DENND1A: variants seen among roughly 807,000 people sequenced by gnomAD.
DENND1A encodes DENN domain-containing protein 1A.
In DENND1A, 51 loss-of-function variants were observed where a neutral mutation model predicts 113.7. That is an observed-to-expected ratio of 0.45 (90% CI 0.36 to 0.57). The LOEUF (loss-of-function observed/expected upper bound fraction) is 0.57. Among genes scored for constraint, DENND1A ranks in the 20% least tolerant of loss-of-function variants. DENND1A has a pLI of 0.00. For synonymous variants in DENND1A, 565 were observed against 570.8 expected, an observed-to-expected ratio of 0.99 and a Z score of 0.14; for missense variants, 1,258 against 1,395.9, an observed-to-expected ratio of 0.90 and a Z score of 1.57.
At chr9:123,844,997 TCACTTGAAGC>T (rs1842375877) in intron 2 of DENND1A, among the ~76,000 whole-genome samples, 1 of 152,104 alleles carries the variant, frequency 6.6e-6, no homozygotes, top group Non-Finnish European at 1.5e-5. Context: ...GGTGGACAGA[TCACTTGAAGC>T]CAGTAGTTCA....
At chr9:123,540,935 G>T (rs2056243242) in intron 13 of DENND1A, among the ~76,000 whole-genome samples, 1 of 152,190 alleles carries the variant, frequency 6.6e-6, no homozygotes, top group African/African-American at 2.4e-5. Flanking sequence ...AGACAGACCT[G>T]GCTCTAGTCC....
intron 21 of DENND1A, among the ~76,000 whole-genome samples, chr9:123,390,934 C>A (rs1021069571): frequency 1.2e-4 from 19 of 152,386 alleles, no homozygotes; most frequent in Admixed American, 1.0e-3. Context: ...CAGCTTGACA[C>A]GTTGGTGCAA....
intron 5 of DENND1A, among the ~76,000 whole-genome samples, chr9:123,734,144 T>C (rs1439209389): frequency 1.3e-5 from 2 of 152,152 alleles, no homozygotes; most frequent in Non-Finnish European, 2.9e-5. Context: ...AACATTTTTA[T>C]TTTTTTATGT....
chr9:123,504,135 T>C (rs1402327060), intron 13 of DENND1A, among the ~76,000 whole-genome samples: 1 of 152,200 alleles, frequency 6.6e-6, no homozygotes, highest in Non-Finnish European at 1.5e-5. Flanking sequence ...GAAATGATCA[T>C]TTTGCCCCAG....
At chr9:123,695,585 C>A (rs1247358465) in intron 5 of DENND1A, among the ~76,000 whole-genome samples, 2 of 152,058 alleles carry the variant, frequency 1.3e-5, no homozygotes, top group Non-Finnish European at 2.9e-5. Flanking sequence ...ACTGTGAGGT[C>A]CTTTGCTGGG....
chr9:123,863,818 T>C (rs1352480496), intron 2 of DENND1A, among the ~76,000 whole-genome samples: 9 of 152,298 alleles, frequency 5.9e-5, no homozygotes, highest in African/African-American at 2.2e-4. Context: ...AGCTTAAACA[T>C]GCTATGTCCT....
At chr9:123,549,360 T>C (rs2056902072) in intron 13 of DENND1A, among the ~76,000 whole-genome samples, 1 of 152,140 alleles carries the variant, frequency 6.6e-6, no homozygotes. Flanking sequence ...ATTAGTCACA[T>C]CCCTTATGTG....
chr9:123,747,766 A>C (rs1302271693), intron 5 of DENND1A, among the ~76,000 whole-genome samples: 1 of 152,226 alleles, frequency 6.6e-6, no homozygotes, highest in Non-Finnish European at 1.5e-5. Flanking sequence ...TTTGCATTTT[A>C]CAACTCATGC....
intron 12 of DENND1A, among the ~76,000 whole-genome samples, chr9:123,577,091 T>C (rs1318600980): frequency 1.3e-5 from 2 of 152,204 alleles, no homozygotes; most frequent in Non-Finnish European, 2.9e-5. Flanking sequence ...CTTCCTTACC[T>C]TCTGGGACTC....
chr9:123,482,581 G>A (rs1407561795), intron 13 of DENND1A, among the ~76,000 whole-genome samples: 2 of 152,160 alleles, frequency 1.3e-5, no homozygotes, highest in African/African-American at 4.8e-5. Flanking sequence ...GATTCAGTGA[G>A]TAGTTGTTGA....
chr9:123,755,442 C>A (rs147074678), intron 5 of DENND1A, among the ~76,000 whole-genome samples: 1 of 151,898 alleles, frequency 6.6e-6, no homozygotes, highest in African/African-American at 2.4e-5. Flanking sequence ...ACATGCCTGG[C>A]CAATATGTGG....
intron 2 of DENND1A, among the ~76,000 whole-genome samples, chr9:123,811,998 T>G (rs570508561): frequency 6.6e-6 from 1 of 152,248 alleles, no homozygotes; most frequent in Middle Eastern, 3.4e-3. Flanking sequence ...TTAACAAGCT[T>G]AGAATGATAC....
intron 10 of DENND1A, among the ~76,000 whole-genome samples, chr9:123,617,925 CAG>C (rs1491585523): frequency 1.6e-5 from 2 of 129,024 alleles, no homozygotes; most frequent in Middle Eastern, 3.7e-3. Context: ...GAGAAAGTAA[CAG>C]AAAAAAAGGA....
chr9:123,595,767 C>T (rs1391064745), intron 11 of DENND1A, among the ~76,000 whole-genome samples: 2 of 152,140 alleles, frequency 1.3e-5, no homozygotes, highest in Non-Finnish European at 2.9e-5. Context: ...ACACATGTTT[C>T]ATACAGAGTC....
At chr9:123,567,405 G>A (rs2058114053) in intron 12 of DENND1A, among the ~76,000 whole-genome samples, 1 of 152,092 alleles carries the variant, frequency 6.6e-6, no homozygotes, top group African/African-American at 2.4e-5. Flanking sequence ...AAACTTATAT[G>A]TTTTTTACAA....
At chr9:123,463,687 A>G (rs2048711644) in intron 13 of DENND1A, among the ~76,000 whole-genome samples, 1 of 152,120 alleles carries the variant, frequency 6.6e-6, no homozygotes, top group South Asian at 2.1e-4. Context: ...AGGTGGGCGG[A>G]TCAACTGATG....
chr9:123,403,254 T>C, intron 21 of DENND1A, 148 bp downstream of exon 21: 1 of 740,312 alleles, frequency 1.4e-6, no homozygotes, highest in Non-Finnish European at 2.3e-6. Context: ...GATCAAGTCC[T>C]GTTCCCTGAA....
chr9:123,831,953 A>T (rs1447496192), intron 2 of DENND1A, among the ~76,000 whole-genome samples: 1 of 152,190 alleles, frequency 6.6e-6, no homozygotes, highest in Non-Finnish European at 1.5e-5. Context: ...ACTGCACTCC[A>T]GCCTGGGCAA....
At chr9:123,894,578 C>T (rs759025775) in intron 1 of DENND1A, among the ~76,000 whole-genome samples, 5 of 152,122 alleles carry the variant, frequency 3.3e-5, no homozygotes, top group Non-Finnish European at 7.4e-5. Context: ...TGATTATCAG[C>T]GGATAGGATG....
Sources: gnomAD v4.1 joint callset for allele counts (sites outside exome capture counted in the v4.1 genomes callset) on GRCh38, gnomAD v4.1.1 for gene constraint, MANE v1.5 for transcripts, NCBI Gene and HGNC (gene_info 2026-07-23, HGNC 2026-07-21) for gene names.